TMEM71: variants seen among roughly 807,000 people sequenced by gnomAD.
TMEM71 encodes the protein transmembrane protein 71.
In TMEM71, 44 loss-of-function variants were observed where a neutral mutation model predicts 38.0. That is an observed-to-expected ratio of 1.16 (90% CI 0.91 to 1.49). The LOEUF (loss-of-function observed/expected upper bound fraction) is 1.49, where lower values mean the gene tolerates loss of function less well. TMEM71 is among the 40% of genes most tolerant of loss of function. TMEM71 has a pLI of 0.00. For missense variants in TMEM71, 367 were observed against 348.6 expected (o/e 1.05, Z -0.42); for synonymous variants, 133 against 122.5 (o/e 1.09, Z -0.56).
chr8:132,728,842 G>T (rs562351030), intron 5 of TMEM71, among the ~76,000 whole-genome samples: 2 of 152,324 alleles, frequency 1.3e-5, no homozygotes, highest in African/African-American at 4.8e-5. Context: ...CTTACATATT[G>T]CTGAGTGGCA....
chr8:132,718,480 A>C (rs1304514717), intron 7 of TMEM71, among the ~76,000 whole-genome samples: 1 of 149,384 alleles, frequency 6.7e-6, no homozygotes, highest in African/African-American at 2.5e-5. Flanking sequence ...TCACTGCAAG[A>C]TCCACCTCCC....
chr8:132,715,781 C>T (rs1379850158), intron 7 of TMEM71, among the ~76,000 whole-genome samples: 1 of 152,208 alleles, frequency 6.6e-6, no homozygotes, highest in Non-Finnish European at 1.5e-5. Flanking sequence ...TAGAATAGCA[C>T]ATTTGTTATT....
At chr8:132,735,180 G>A (rs1212643241) in intron 5 of TMEM71, among the ~76,000 whole-genome samples, 1 of 152,164 alleles carries the variant, frequency 6.6e-6, no homozygotes, top group Non-Finnish European at 1.5e-5. Context: ...GCAGTATTGG[G>A]GCCTGGGTAG....
At chr8:132,757,958 C>A (rs1829125862) in intron 2 of TMEM71, 1 of 151,930 alleles carries the variant, frequency 6.6e-6, no homozygotes, top group South Asian at 2.1e-4. Flanking sequence ...ATCAATTACC[C>A]AATGTGTTGG....
At chr8:132,764,837 G>A (rs2472231), upstream of TMEM71, among the ~76,000 whole-genome samples, 61,732 of 152,108 alleles carry the variant, frequency 0.41, 12,698 homozygotes, top group Non-Finnish European at 0.44. Flanking sequence ...TGAGATCTCA[G>A]AGAATAAGGA....
rs75788696 is a variant in TMEM71 at position 132,746,214 on chromosome 8, T to C, written c.487+728A>G. 4.2e-3 allele frequency among the ~76,000 whole-genome samples: 627 copies of C among 150,684 alleles called. 5 individuals carry two copies. The highest frequency in any genetic ancestry group is 0.015 in the African/African-American group (595 of 40,870). Reference sequence around the variant, plus strand: ...TAAATTTTAAAATATATGCTTTGAGTTCCCATCACTGTGTTTATATACATG... The same window carrying C: ...TAAATTTTAAAATATATGCTTTGAGCTCCCATCACTGTGTTTATATACATG... On this transcript the variant is annotated intron_variant, in intron 5 of 9. Transcript: ENST00000677595.
At chr8:132,746,219 A>G (rs1828332531) in intron 5 of TMEM71, among the ~76,000 whole-genome samples, 1 of 150,942 alleles carries the variant, frequency 6.6e-6, no homozygotes, top group Non-Finnish European at 1.5e-5. Flanking sequence ...TTGAGTTCCC[A>G]TCACTGTGTT....
At chr8:132,766,796 TA>T in the TMEM71 span, among the ~76,000 whole-genome samples, 1,293 of 142,524 alleles carry the variant, frequency 9.1e-3, 61 homozygotes, top group East Asian at 0.09. Flanking sequence ...AAAAAAAAAA[TA>T]AAAATAAAAA....
intron 6 of TMEM71, among the ~76,000 whole-genome samples, chr8:132,724,485 T>C (rs1306746663): frequency 6.6e-6 from 1 of 152,196 alleles, no homozygotes; most frequent in Non-Finnish European, 1.5e-5. Flanking sequence ...AGAAGAAATA[T>C]ATAGCTGTTT....
chr8:132,757,164 G>T (rs1829068865), intron 3 of TMEM71, 70 bp downstream of exon 3: 3 of 1,146,772 alleles, frequency 2.6e-6, no homozygotes, highest in Admixed American at 3.6e-5. Context: ...CCAAAGTGCT[G>T]GGATTACAGG....
At chr8:132,717,958 G>A (rs993015943) in intron 7 of TMEM71, among the ~76,000 whole-genome samples, 18 of 152,260 alleles carry the variant, frequency 1.2e-4, no homozygotes, top group African/African-American at 4.1e-4. Flanking sequence ...GATGAACTCT[G>A]AAAACATTAT....
chr8:132,762,573 G>A (rs1829316929), upstream of TMEM71, among the ~76,000 whole-genome samples: 1 of 151,966 alleles, frequency 6.6e-6, no homozygotes, highest in Non-Finnish European at 1.5e-5. Context: ...TATGTACCAG[G>A]CACTGTTCTA....
intron 7 of TMEM71, among the ~76,000 whole-genome samples, chr8:132,721,039 G>T (rs951721324): frequency 5.3e-5 from 8 of 152,338 alleles, no homozygotes; most frequent in African/African-American, 1.9e-4. Context: ...AGAGTGGCAT[G>T]CTATTTATAA....
downstream of TMEM71, among the ~76,000 whole-genome samples, chr8:132,707,536 C>T (rs953194203): frequency 3.9e-5 from 6 of 152,024 alleles, no homozygotes; most frequent in African/African-American, 7.2e-5. Flanking sequence ...TTAGTTATCT[C>T]GGGAGTAGGT....
chr8:132,717,459 A>C (rs1826595729), intron 7 of TMEM71, among the ~76,000 whole-genome samples: 1 of 152,246 alleles, frequency 6.6e-6, no homozygotes. Flanking sequence ...AAACAGATAC[A>C]CAAACAAACA....
At chr8:132,763,540 C>T (rs934935549), upstream of TMEM71, among the ~76,000 whole-genome samples, 1 of 152,138 alleles carries the variant, frequency 6.6e-6, no homozygotes, top group African/African-American at 2.4e-5. Context: ...AGACGAGTGG[C>T]AAATTTCAGT....
At chr8:132,736,805 T>C (rs1210319202) in intron 5 of TMEM71, among the ~76,000 whole-genome samples, 1 of 147,442 alleles carries the variant, frequency 6.8e-6, no homozygotes, top group Non-Finnish European at 1.5e-5. Flanking sequence ...CACCCCAGCC[T>C]GGGCAACAGA....
intron 5 of TMEM71, among the ~76,000 whole-genome samples, chr8:132,737,835 CA>C (rs1186567284): frequency 6.6e-6 from 1 of 152,076 alleles, no homozygotes; most frequent in Non-Finnish European, 1.5e-5. Context: ...TTCTTTATTC[CA>C]AAAAACTGTA....
At chr8:132,757,343 A>ATAT in intron 2 of TMEM71, 49 bp from the exon 3 acceptor site, 1 of 1,382,134 alleles carries the variant, frequency 7.2e-7, no homozygotes, top group Non-Finnish European at 1.0e-6. Context: ...CCTGATCAAC[A>ATAT]GTTACATATG....
Sources: allele counts gnomAD v4.1 joint callset (sites outside exome capture counted in the v4.1 genomes callset), GRCh38; gene constraint gnomAD v4.1.1; transcripts MANE v1.5; gene names NCBI Gene and HGNC (gene_info 2026-07-23, HGNC 2026-07-21).